Variants in QTMAN observed in about 807,000 individuals in gnomAD.
QTMAN encodes the protein tRNA-queuosine alpha-mannosyltransferase.
At chr2:143,993,772 C>A in the QTMAN span, among the ~76,000 whole-genome samples, 1 of 152,046 alleles carries the variant, frequency 6.6e-6, no homozygotes, top group African/African-American at 2.4e-5. Flanking sequence ...TAATTTGTTA[C>A]AGCAGCCATA....
At chr2:143,977,666 G>A in the QTMAN span, among the ~76,000 whole-genome samples, 1 of 152,144 alleles carries the variant, frequency 6.6e-6, no homozygotes, top group Non-Finnish European at 1.5e-5. Context: ...TGGCCCATGA[G>A]GAATGGGGAC....
At chr2:144,260,287 C>A in the QTMAN span, among the ~76,000 whole-genome samples, 2 of 151,914 alleles carry the variant, frequency 1.3e-5, no homozygotes, top group Non-Finnish European at 2.9e-5. Flanking sequence ...TCCTGCTTCA[C>A]CTTCATTTTT....
the QTMAN span, among the ~76,000 whole-genome samples, chr2:143,992,707 A>G: frequency 1.3e-5 from 2 of 152,196 alleles, no homozygotes; most frequent in Non-Finnish European, 2.9e-5. Flanking sequence ...ATCCCTCACT[A>G]AAAGCAATTC....
chr2:144,147,540 T>C, the QTMAN span, among the ~76,000 whole-genome samples: 1 of 151,720 alleles, frequency 6.6e-6, no homozygotes, highest in Non-Finnish European at 1.5e-5. Flanking sequence ...AACTTCTAGG[T>C]CTAGTTATTG....
chr2:144,314,358 T>G, the QTMAN span, among the ~76,000 whole-genome samples: 13 of 152,056 alleles, frequency 8.5e-5, no homozygotes, highest in African/African-American at 3.1e-4. Context: ...TCTATGGAAA[T>G]AGAAATCAGA....
the QTMAN span, among the ~76,000 whole-genome samples, chr2:144,105,823 T>C: frequency 6.6e-6 from 1 of 151,940 alleles, no homozygotes; most frequent in African/African-American, 2.4e-5. Context: ...AAAGTTGAAA[T>C]GAAGGAAAAA....
At chr2:144,323,665 T>TATGA in the QTMAN span, among the ~76,000 whole-genome samples, 1 of 152,208 alleles carries the variant, frequency 6.6e-6, no homozygotes, top group South Asian at 2.1e-4. Context: ...CACTAAAAGC[T>TATGA]ATGAATAAGT....
chr2:144,330,899 C>T, the QTMAN span, among the ~76,000 whole-genome samples: 1 of 152,246 alleles, frequency 6.6e-6, no homozygotes, highest in East Asian at 1.9e-4. Flanking sequence ...CCTTAAACAT[C>T]GAAAATTCTG....
At chr2:144,028,718 C>G in the QTMAN span, among the ~76,000 whole-genome samples, 1 of 152,190 alleles carries the variant, frequency 6.6e-6, no homozygotes, top group Admixed American at 6.5e-5. Flanking sequence ...TGTGGATATA[C>G]TCTTTGAAAG....
chr2:144,040,779 G>A, the QTMAN span, among the ~76,000 whole-genome samples: 1 of 152,096 alleles, frequency 6.6e-6, no homozygotes, highest in Non-Finnish European at 1.5e-5. Flanking sequence ...ATGATGAGAA[G>A]AACTCAAACC....
At chr2:144,005,220 A>G in the QTMAN span, among the ~76,000 whole-genome samples, 61 of 152,120 alleles carry the variant, frequency 4.0e-4, no homozygotes, top group African/African-American at 1.3e-3. Flanking sequence ...AAAAAGATAT[A>G]TCTATATGAG....
the QTMAN span, among the ~76,000 whole-genome samples, chr2:144,263,942 G>A: frequency 6.6e-6 from 1 of 151,942 alleles, no homozygotes; most frequent in African/African-American, 2.4e-5. Flanking sequence ...AGCTATTCAT[G>A]TATAGAACAT....
At chr2:143,989,087 T>A in the QTMAN span, among the ~76,000 whole-genome samples, 1 of 152,086 alleles carries the variant, frequency 6.6e-6, no homozygotes, top group Admixed American at 6.5e-5. Flanking sequence ...GATTTTGAGA[T>A]ATTCTGTTTT....
At chr2:144,255,394 C>G in the QTMAN span, among the ~76,000 whole-genome samples, 3 of 152,146 alleles carry the variant, frequency 2.0e-5, no homozygotes, top group African/African-American at 7.2e-5. Flanking sequence ...TGGCACTTCT[C>G]TCTTTGGCCG....
the QTMAN span, among the ~76,000 whole-genome samples, chr2:144,129,513 T>C: frequency 1.3e-5 from 2 of 152,042 alleles, no homozygotes; most frequent in Admixed American, 6.6e-5. Flanking sequence ...ACAATTTTCA[T>C]TTCATGGCTA....
chr2:144,089,652 T>A, the QTMAN span, among the ~76,000 whole-genome samples: 3 of 152,020 alleles, frequency 2.0e-5, no homozygotes, highest in African/African-American at 7.2e-5. Context: ...TACATGGAAC[T>A]GGAGGTCTCT....
At chr2:144,066,541 C>T in the QTMAN span, among the ~76,000 whole-genome samples, 3 of 152,206 alleles carry the variant, frequency 2.0e-5, no homozygotes, top group Non-Finnish European at 4.4e-5. Flanking sequence ...ACTGGCCAGG[C>T]GCAGCGGCTT....
the QTMAN span, among the ~76,000 whole-genome samples, chr2:144,017,799 T>TA: frequency 6.6e-6 from 1 of 152,180 alleles, no homozygotes; most frequent in Non-Finnish European, 1.5e-5. Context: ...TTCAACATTC[T>TA]AAAAACTCTA....
the QTMAN span, among the ~76,000 whole-genome samples, chr2:143,994,399 C>T: frequency 2.0e-5 from 3 of 152,028 alleles, no homozygotes; most frequent in East Asian, 1.9e-4. Flanking sequence ...TCTAACCCCC[C>T]CAAAGTGAAA....
Sources: allele counts gnomAD v4.1 joint callset (sites outside exome capture counted in the v4.1 genomes callset), GRCh38; gene constraint gnomAD v4.1.1; transcripts MANE v1.5; gene names NCBI Gene and HGNC (gene_info 2026-07-23, HGNC 2026-07-21).